The following SHB variants were observed in gnomAD, a reference collection of about 807,000 sequenced individuals.
SHB encodes the protein SH2 domain containing adaptor protein B, also known as SH2 domain-containing adapter protein B.
A neutral mutation model predicts 52.3 loss-of-function variants in SHB; 20 were observed. The observed-to-expected ratio is 0.38, with a 90% CI of 0.27 to 0.56. SHB has a LOEUF of 0.56. Among genes scored for constraint, SHB ranks in the 20% least tolerant of loss-of-function variants. The probability of loss-of-function intolerance (pLI) is 0.71; values close to 1 mark genes in which losing one functional copy is unlikely to be tolerated. For synonymous variants in SHB, 397 were observed against 316.5 expected (o/e 1.25, Z -2.70); for missense variants, 825 against 723.3 (o/e 1.14, Z -1.61).
chr9:38,028,568 A>G (rs1821373507), intron 1 of SHB, among the ~76,000 whole-genome samples: 1 of 152,220 alleles, frequency 6.6e-6, no homozygotes, highest in African/African-American at 2.4e-5. Flanking sequence ...CTCAGGCCAC[A>G]CCAGAATTGC....
chr9:38,039,711 A>G (rs1821545735), intron 1 of SHB, among the ~76,000 whole-genome samples: 2 of 152,260 alleles, frequency 1.3e-5, no homozygotes, highest in African/African-American at 2.4e-5. Flanking sequence ...CCCTGATATA[A>G]GAAGTACCTC....
intron 2 of SHB, among the ~76,000 whole-genome samples, chr9:37,998,508 C>T (rs576523183): frequency 2.0e-5 from 3 of 152,292 alleles, no homozygotes; most frequent in East Asian, 1.9e-4. Context: ...GCTGGAGTGC[C>T]GTGGCACGGT....
chr9:37,931,605 G>T (rs1832311686), intron 5 of SHB, among the ~76,000 whole-genome samples: 1 of 152,208 alleles, frequency 6.6e-6, no homozygotes, highest in Non-Finnish European at 1.5e-5. Context: ...TGTTGGCGAG[G>T]ATGCGGAAAA....
chr9:38,065,920 T>C (rs546090483), intron 1 of SHB, among the ~76,000 whole-genome samples: 23 of 152,178 alleles, frequency 1.5e-4, no homozygotes, highest in African/African-American at 5.1e-4. Flanking sequence ...CTCACAATAA[T>C]GGCCCTGCCT....
chr9:37,992,246 C>A (rs372142762), intron 2 of SHB, among the ~76,000 whole-genome samples: 1 of 151,878 alleles, frequency 6.6e-6, no homozygotes, highest in South Asian at 2.1e-4. Flanking sequence ...ACTAAAAATA[C>A]AAAAATTAGC....
At chr9:37,992,289 T>C (rs111394077) in intron 2 of SHB, among the ~76,000 whole-genome samples, 11 of 151,580 alleles carry the variant, frequency 7.3e-5, no homozygotes, top group African/African-American at 2.7e-4. Flanking sequence ...TAGTCCCAGC[T>C]ACTCAGGAGG....
At chr9:37,996,714 A>G (rs895242171) in intron 2 of SHB, among the ~76,000 whole-genome samples, 3 of 152,146 alleles carry the variant, frequency 2.0e-5, no homozygotes, top group Non-Finnish European at 4.4e-5. Flanking sequence ...AAAGGCATTC[A>G]AGGTTGGGCC....
At chr9:38,019,155 C>A (rs546138745) in intron 1 of SHB, among the ~76,000 whole-genome samples, 6 of 152,200 alleles carry the variant, frequency 3.9e-5, no homozygotes, top group African/African-American at 1.2e-4. Context: ...CTGTAGAGTG[C>A]GGCTGCTTAG....
At chr9:38,059,456 C>A (rs1257232301) in intron 1 of SHB, among the ~76,000 whole-genome samples, 1 of 152,196 alleles carries the variant, frequency 6.6e-6, no homozygotes, top group Non-Finnish European at 1.5e-5. Flanking sequence ...TGGAAAGGAA[C>A]TGAATGATTT....
At chr9:37,976,228 G>A (rs564037945) in intron 2 of SHB, among the ~76,000 whole-genome samples, 1 of 152,258 alleles carries the variant, frequency 6.6e-6, no homozygotes, top group South Asian at 2.1e-4. Context: ...TGGAGACGGG[G>A]TTTTGCCATG....
In SHB at chr9:38,003,178, A is replaced by T. The variant is rs1434548740; in HGVS notation, c.838+12833T>A. 3.3e-5 allele frequency among the ~76,000 whole-genome samples: 5 copies of T among 151,952 alleles called. No individual in the cohort carries two copies. The East Asian group carries it at 7.7e-4, about 23-fold the overall frequency. On this transcript the variant is annotated intron_variant, in intron 2 of 5. Coordinates refer to ENST00000377707, the MANE Select transcript of SHB (RefSeq NM_003028.3). ...CATGGCAGCCTGGGCTGTGCTGGGGATGAGAGTGAGAAGGGGGCAGGGATG... is the reference window on the plus strand; with the variant it reads ...CATGGCAGCCTGGGCTGTGCTGGGGTTGAGAGTGAGAAGGGGGCAGGGATG...
intron 4 of SHB, among the ~76,000 whole-genome samples, chr9:37,954,320 C>T (rs1832603549): frequency 6.6e-6 from 1 of 152,226 alleles, no homozygotes; most frequent in Non-Finnish European, 1.5e-5. Flanking sequence ...AGGGTATGCC[C>T]TGCCGGCCAT....
In SHB at chr9:37,956,064, G is replaced by A. The variant is rs1438130104; in HGVS notation, c.1055-10C>T. The A allele has an allele frequency of 6.4e-7, 1 of 1,553,648 alleles. No homozygotes were observed. Among genetic ancestry groups the A allele is most frequent in the Non-Finnish European group, 8.7e-7 (1 of 1,148,070 alleles). On this transcript the variant is annotated splice_polypyrimidine_tract_variant and intron_variant, in intron 3 of 5. Transcript: ENST00000377707. ...TTGCCATTAAACTGTGCTGTGGGGA[G>A]AGAGAGAAAGTGCAGGGTTAGCAGA... is the stretch of plus-strand genomic sequence containing the variant.
chr9:37,967,979 G>A (rs1464594965), intron 3 of SHB, among the ~76,000 whole-genome samples: 3 of 152,224 alleles, frequency 2.0e-5, no homozygotes, highest in African/African-American at 4.8e-5. Context: ...TGCTGGAATT[G>A]GGATATGGGG....
At chr9:37,944,953 G>T (rs1832475595) in intron 5 of SHB, among the ~76,000 whole-genome samples, 1 of 152,166 alleles carries the variant, frequency 6.6e-6, no homozygotes, top group Non-Finnish European at 1.5e-5. Context: ...GGCTGGCCTG[G>T]CCAGGCTGAG....
chr9:37,926,371 C>T (rs1028294745), intron 5 of SHB, among the ~76,000 whole-genome samples: 4 of 152,216 alleles, frequency 2.6e-5, no homozygotes, highest in Admixed American at 2.0e-4. Flanking sequence ...GCAGCCACTT[C>T]AGCAACACTA....
intron 1 of SHB, among the ~76,000 whole-genome samples, chr9:38,053,109 G>C (rs986081147): frequency 6.6e-6 from 1 of 152,050 alleles, no homozygotes; most frequent in Non-Finnish European, 1.5e-5. Context: ...ACCCGTCACT[G>C]TCCCTTGCAT....
intron 4 of SHB, 65 bp from the exon 5 acceptor site, chr9:37,948,819 T>C (rs1345421266): frequency 3.8e-5 from 60 of 1,597,404 alleles, no homozygotes; most frequent in Non-Finnish European, 5.0e-5. Context: ...CTGACCTGCC[T>C]TGGGAGACTC....
chr9:38,027,194 G>A (rs1459527246), intron 1 of SHB, among the ~76,000 whole-genome samples: 1 of 150,040 alleles, frequency 6.7e-6, no homozygotes, highest in Non-Finnish European at 1.5e-5. Flanking sequence ...TGAAACCAGG[G>A]GCAGGGCAGG....
Sources: allele counts gnomAD v4.1 joint callset (sites outside exome capture counted in the v4.1 genomes callset), GRCh38; gene constraint gnomAD v4.1.1; transcripts MANE v1.5; gene names NCBI Gene and HGNC (gene_info 2026-07-23, HGNC 2026-07-21).